The following VAMP7 variants were observed in gnomAD, a reference collection of about 807,000 sequenced individuals.
VAMP7 encodes the protein vesicle associated membrane protein 7.
VAMP7 carries 14 observed loss-of-function variants against 29.6 expected under a neutral mutation model. The observed-to-expected ratio is 0.47, with a 90% CI of 0.31 to 0.74. VAMP7 has a LOEUF of 0.74. Ranked by LOEUF, VAMP7 falls within the 30% of genes least tolerant of loss-of-function variation. The probability of loss-of-function intolerance (pLI) is 0.05; values close to 1 mark genes in which losing one functional copy is unlikely to be tolerated. For synonymous variants in VAMP7, 95 were observed against 88.1 expected, an observed-to-expected ratio of 1.08 and a Z score of -0.44; for missense variants, 223 against 262.4, an observed-to-expected ratio of 0.85 and a Z score of 1.04.
chrX:155,895,013 G>A (rs909139906), intron 2 of VAMP7, among the ~76,000 whole-genome samples: 2 of 152,040 alleles, frequency 1.3e-5, no homozygotes, highest in Non-Finnish European at 2.9e-5. Flanking sequence ...GTTACCCTTT[G>A]GCAAATCTCC....
At chrX:155,888,923 T>C (rs937090296) in intron 1 of VAMP7, among the ~76,000 whole-genome samples, 1 of 152,174 alleles carries the variant, frequency 6.6e-6, no homozygotes, top group Non-Finnish European at 1.5e-5. Context: ...TATAATCTCA[T>C]TGAGTTGTGA....
chrX:155,924,078 A>T (rs1421935638), intron 6 of VAMP7, among the ~76,000 whole-genome samples: 1 of 152,022 alleles, frequency 6.6e-6, no homozygotes, highest in Non-Finnish European at 1.5e-5. Context: ...AGGTGTAGGT[A>T]TCTTGCTCTT....
At position 155,895,552 on chromosome X, in the gene VAMP7, A is replaced by G. The variant is rs1240474696; in HGVS notation, c.147-71A>G. The stretch of plus-strand genomic sequence containing the variant: ...TTGGCAGTACTGAACGTGCTTATAC[A>G]TAGATAGAAGATAGAAGTAAAAGTG... On this transcript the variant is annotated intron_variant, in intron 2 of 7. Transcript: ENST00000286448. 1.0e-5 allele frequency: 12 copies of G among 1,172,400 alleles called. No individual in the cohort carries two copies. In the East Asian group the frequency reaches 1.4e-4, roughly 14 times the overall value. The allele number at this position is 1,172,400 out of a possible 1,614,324, so 72.6% of individuals were successfully genotyped here.
intron 2 of VAMP7, among the ~76,000 whole-genome samples, chrX:155,890,549 TG>T (rs2065915136): frequency 6.6e-6 from 1 of 151,904 alleles, no homozygotes; most frequent in Admixed American, 6.6e-5. Flanking sequence ...TTAGTAGAGT[TG>T]GGGTTTCACC....
At chrX:155,930,109 CA>C (rs1242705986) in intron 6 of VAMP7, among the ~76,000 whole-genome samples, 3 of 152,134 alleles carry the variant, frequency 2.0e-5, no homozygotes, top group African/African-American at 7.2e-5. Flanking sequence ...CAGTGTGTGA[CA>C]AAATGTGCAG....
intron 5 of VAMP7, among the ~76,000 whole-genome samples, chrX:155,903,217 C>T (rs1032301839): frequency 2.0e-5 from 3 of 151,898 alleles, no homozygotes; most frequent in African/African-American, 7.3e-5. Flanking sequence ...GTGGTGATAT[C>T]CCCTTTATCA....
At chrX:155,928,524 C>T (rs1276764214) in intron 6 of VAMP7, among the ~76,000 whole-genome samples, 1 of 152,154 alleles carries the variant, frequency 6.6e-6, no homozygotes, top group African/African-American at 2.4e-5. Context: ...ATTGTAGTCT[C>T]TGCCTCCATG....
At chrX:155,928,289 C>G (rs746166246) in intron 6 of VAMP7, among the ~76,000 whole-genome samples, 9 of 152,126 alleles carry the variant, frequency 5.9e-5, no homozygotes, top group African/African-American at 1.9e-4. Flanking sequence ...TGGTTATTAG[C>G]TTTCTGTGGC....
At chrX:155,920,355 A>C (rs2066377683) in intron 6 of VAMP7, among the ~76,000 whole-genome samples, 1 of 152,190 alleles carries the variant, frequency 6.6e-6, no homozygotes, top group African/African-American at 2.4e-5. Flanking sequence ...TAAAGGAGAC[A>C]ATGTGTCCTT....
intron 6 of VAMP7, among the ~76,000 whole-genome samples, chrX:155,937,303 T>TAC (rs1556357119): frequency 6.6e-6 from 1 of 152,146 alleles, no homozygotes; most frequent in Admixed American, 6.5e-5. Context: ...TGTATGAACT[T>TAC]ACAGTTGTAA....
chrX:155,939,397 G>T (rs2066710318), intron 6 of VAMP7, among the ~76,000 whole-genome samples: 2 of 152,174 alleles, frequency 1.3e-5, no homozygotes, highest in Middle Eastern at 3.2e-3. Flanking sequence ...CTTATTGGAA[G>T]TATAGAGAGG....
At chrX:155,906,134 C>G (rs947450541) in intron 5 of VAMP7, among the ~76,000 whole-genome samples, 4 of 152,164 alleles carry the variant, frequency 2.6e-5, no homozygotes, top group African/African-American at 7.2e-5. Context: ...TTTAGACAAG[C>G]TCCTCTGAGC....
chrX:155,889,427 T>C (rs202049046), intron 1 of VAMP7, 31 bp from the exon 2 acceptor site: 33 of 1,605,540 alleles, frequency 2.1e-5, no homozygotes, highest in East Asian at 1.8e-4. Context: ...CAAAGAAATA[T>C]TCTAAATCTG....
chrX:155,884,063 T>C (rs1336188028), intron 1 of VAMP7, among the ~76,000 whole-genome samples: 16 of 151,980 alleles, frequency 1.1e-4, no homozygotes, highest in Non-Finnish European at 2.1e-4. Context: ...ATTTAAGTGG[T>C]AATGTTATTC....
At chrX:155,898,342 G>C (rs2066015072) in intron 4 of VAMP7, 93 bp downstream of exon 4, 2 of 1,458,294 alleles carry the variant, frequency 1.4e-6, no homozygotes, top group Admixed American at 2.3e-5. Context: ...CTGCAATATA[G>C]TTTTCTGATT....
chrX:155,882,852 G>C (rs1187338583), intron 1 of VAMP7, among the ~76,000 whole-genome samples: 1 of 152,082 alleles, frequency 6.6e-6, no homozygotes, highest in Admixed American at 6.5e-5. Flanking sequence ...GGGAAAATAG[G>C]GTAAAATAGA....
chrX:155,930,247 G>T (rs2066528479), intron 6 of VAMP7, among the ~76,000 whole-genome samples: 1 of 152,100 alleles, frequency 6.6e-6, no homozygotes, highest in South Asian at 2.1e-4. Flanking sequence ...CACTTGGTGT[G>T]ATCCAAAGCC....
chrX:155,898,308 A>C, intron 4 of VAMP7, 59 bp downstream of exon 4: 1 of 1,583,880 alleles, frequency 6.3e-7, no homozygotes, highest in Middle Eastern at 1.7e-4. Flanking sequence ...ACCTTCAAAC[A>C]CTATGAATCT....
intron 6 of VAMP7, among the ~76,000 whole-genome samples, chrX:155,936,617 A>G (rs1188298040): frequency 6.6e-6 from 1 of 152,162 alleles, no homozygotes; most frequent in East Asian, 1.9e-4. Flanking sequence ...CTTGGCTAGG[A>G]AAGGGAATTC....
Sources: allele counts gnomAD v4.1 joint callset (sites outside exome capture counted in the v4.1 genomes callset), GRCh38; gene constraint gnomAD v4.1.1; transcripts MANE v1.5; gene names NCBI Gene and HGNC (gene_info 2026-07-23, HGNC 2026-07-21).